The following KDM6A variants were observed in gnomAD, a reference collection of about 807,000 sequenced individuals.
The protein encoded by KDM6A is lysine demethylase 6A.
KDM6A carries 11 observed loss-of-function variants against 117.6 expected under a neutral mutation model. The observed-to-expected ratio is 0.09, with a 90% CI of 0.06 to 0.15. The LOEUF is 0.15. Among genes scored for constraint, KDM6A ranks in the 10% least tolerant of loss-of-function variants. The pLI, the probability that KDM6A is intolerant of heterozygous loss-of-function variation, is 1.00. For synonymous variants in KDM6A, 384 were observed against 396.1 expected (o/e 0.97, Z 0.36); for missense variants, 799 against 1,077.3 (o/e 0.74, Z 3.62).
At chrX:45,005,847 A>G (rs189806958) in intron 4 of KDM6A, among the ~76,000 whole-genome samples, 5,178 of 107,119 alleles carry the variant, frequency 0.048, 333 homozygotes, top group African/African-American at 0.17. Flanking sequence ...GAAATTTCTC[A>G]CCTTTTCTAC....
intron 2 of KDM6A, among the ~76,000 whole-genome samples, chrX:44,885,667 G>C (rs765655470): frequency 4.2e-4 from 46 of 110,372 alleles, no homozygotes; most frequent in African/African-American, 1.4e-3. Flanking sequence ...TCAGGAGTTC[G>C]AGACCAGCCT....
chrX:45,090,774 G>C lies in KDM6A; in HGVS notation c.3944G>C (p.Ser1315Thr). 8.3e-7 allele frequency: 1 copy of C among 1,209,047 alleles called. No homozygotes were observed. Among genetic ancestry groups the C allele is most frequent in the Non-Finnish European group, 1.1e-6 (1 of 893,679 alleles). Residue 1315 changes from serine (S) to threonine (T), a missense_variant, in exon 27 of 30, where the codon AGT (serine) becomes ACT (threonine). Ser to Thr is a moderately conservative substitution (Grantham distance 58). Coordinates refer to ENST00000611820, the MANE Select transcript of KDM6A (RefSeq NM_001291415.2). ...VERYEWNKLQSVKSIVPMVHL... is the reference protein window; with the variant it reads ...VERYEWNKLQTVKSIVPMVHL... Reference sequence around the variant, plus strand: ...CGGTACGAATGGAACAAATTGCAAAGTGTGAAGTCAATAGTACCCATGGTT... The same window carrying C: ...CGGTACGAATGGAACAAATTGCAAACTGTGAAGTCAATAGTACCCATGGTT...
intron 5 of KDM6A, among the ~76,000 whole-genome samples, chrX:45,016,453 T>TTATG (rs35987184): frequency 0.28 from 27,441 of 98,546 alleles, 3,705 homozygotes; most frequent in Non-Finnish European, 0.36. Flanking sequence ...TGATTTTATT[T>TTATG]TATGTATGTA....
At chrX:44,993,770 G>A (rs2040734300) in intron 4 of KDM6A, among the ~76,000 whole-genome samples, 1 of 111,330 alleles carries the variant, frequency 9.0e-6, no homozygotes, top group South Asian at 3.8e-4. Flanking sequence ...GGAGACTGAG[G>A]CAGGAGAATA....
At chrX:44,967,929 ATTTAT>A (rs746574849) in intron 3 of KDM6A, among the ~76,000 whole-genome samples, 2 of 112,728 alleles carry the variant, frequency 1.8e-5, no homozygotes, top group Non-Finnish European at 3.7e-5. Flanking sequence ...ACTTGTAGGA[ATTTAT>A]TTTAAGTCTT....
intron 2 of KDM6A, among the ~76,000 whole-genome samples, chrX:44,931,706 G>C (rs986383525): frequency 6.3e-5 from 7 of 111,537 alleles, no homozygotes; most frequent in Non-Finnish European, 1.3e-4. Context: ...GGGCTGGGGG[G>C]AGTTGTAAGA....
chrX:44,994,788 A>G (rs2040787536), intron 4 of KDM6A, among the ~76,000 whole-genome samples: 1 of 111,234 alleles, frequency 9.0e-6, no homozygotes, highest in African/African-American at 3.3e-5. Flanking sequence ...CCTATTGGCT[A>G]GGGTTAGACT....
At chrX:44,927,392 A>G (rs1602225289) in intron 2 of KDM6A, among the ~76,000 whole-genome samples, 2 of 111,063 alleles carry the variant, frequency 1.8e-5, no homozygotes, top group Admixed American at 1.9e-4. Flanking sequence ...TGACTAAAGG[A>G]TAACATTATA....
chrX:44,917,543 G>C (rs1415333314), intron 2 of KDM6A, among the ~76,000 whole-genome samples: 1 of 111,811 alleles, frequency 8.9e-6, no homozygotes, highest in Non-Finnish European at 1.9e-5. Context: ...GTTACATTTT[G>C]GTCTTTTTCT....
intron 2 of KDM6A, among the ~76,000 whole-genome samples, chrX:44,959,521 C>T (rs1602347965): frequency 9.1e-6 from 1 of 110,135 alleles, no homozygotes; most frequent in Non-Finnish European, 1.9e-5. Context: ...TAATGTTAAT[C>T]AGCCATATGA....
At chrX:44,901,245 G>A (rs1317896891) in intron 2 of KDM6A, among the ~76,000 whole-genome samples, 1 of 110,779 alleles carries the variant, frequency 9.0e-6, no homozygotes, top group Non-Finnish European at 1.9e-5. Context: ...GCCAGGCGTA[G>A]TGGCAGGCAC....
chrX:44,972,675 A>G (rs1259249998), intron 3 of KDM6A, among the ~76,000 whole-genome samples: 1 of 111,497 alleles, frequency 9.0e-6, no homozygotes, highest in Non-Finnish European at 1.9e-5. Flanking sequence ...AGGACATATG[A>G]CATGACCAAT....
chrX:45,007,310 A>G (rs1166629733), intron 4 of KDM6A, among the ~76,000 whole-genome samples: 86 of 112,059 alleles, frequency 7.7e-4, no homozygotes, highest in Non-Finnish European at 1.3e-4. Context: ...GAAATGATAC[A>G]GTCTTGATTT....
intron 4 of KDM6A, among the ~76,000 whole-genome samples, chrX:44,998,497 A>G (rs1029658650): frequency 1.8e-5 from 2 of 112,042 alleles, no homozygotes; most frequent in African/African-American, 6.5e-5. Context: ...TAAAGAAAGT[A>G]TTTGGAAATT....
chrX:45,067,262 A>G (rs1235965591), intron 17 of KDM6A, among the ~76,000 whole-genome samples: 1 of 112,054 alleles, frequency 8.9e-6, no homozygotes, highest in Non-Finnish European at 1.9e-5. Flanking sequence ...AAGATATGAA[A>G]GTAAAATTAT....
intron 18 of KDM6A, among the ~76,000 whole-genome samples, chrX:45,072,746 G>A (rs1285140204): frequency 1.8e-5 from 2 of 109,605 alleles, no homozygotes; most frequent in Non-Finnish European, 3.8e-5. Context: ...ACCTAAGGAG[G>A]AATATTGTCA....
At chrX:45,104,275 G>A (rs960318403) in intron 27 of KDM6A, among the ~76,000 whole-genome samples, 3 of 112,233 alleles carry the variant, frequency 2.7e-5, no homozygotes, top group African/African-American at 9.7e-5. Context: ...CACCCGTCTC[G>A]GCCTGCCAAA....
chrX:45,041,108 CT>C (rs2043147975), intron 8 of KDM6A, among the ~76,000 whole-genome samples: 1 of 77,253 alleles, frequency 1.3e-5, no homozygotes, highest in Non-Finnish European at 2.4e-5. Context: ...GACGGGGTGG[CT>C]GGCCGGGCGG....
chrX:44,931,311 C>T (rs749435444), intron 2 of KDM6A, among the ~76,000 whole-genome samples: 5 of 111,384 alleles, frequency 4.5e-5, no homozygotes, highest in Non-Finnish European at 9.4e-5. Flanking sequence ...TTCAGGTGAT[C>T]TGCCTGCCTC....
Sources: gnomAD v4.1 joint callset for allele counts (sites outside exome capture counted in the v4.1 genomes callset) on GRCh38, gnomAD v4.1.1 for gene constraint, MANE v1.5 for transcripts, NCBI Gene and HGNC (gene_info 2026-07-23, HGNC 2026-07-21) for gene names.